Variants in MAML2 observed in about 807,000 individuals in gnomAD.
MAML2 encodes mastermind like transcriptional coactivator 2.
MAML2 carries 22 observed loss-of-function variants against 96.1 expected under a neutral mutation model. The observed-to-expected ratio is 0.23, with a 90% CI of 0.16 to 0.33. The LOEUF is 0.33. MAML2 is among the 10% of genes least tolerant of loss of function. MAML2 has a pLI of 1.00. For missense variants in MAML2, 1,367 were observed against 1,392.4 expected, an observed-to-expected ratio of 0.98 and a Z score of 0.29; for synonymous variants, 561 against 521.3, an observed-to-expected ratio of 1.08 and a Z score of -1.04.
At chr11:96,186,487 G>C (rs1861577229) in intron 1 of MAML2, among the ~76,000 whole-genome samples, 2 of 152,178 alleles carry the variant, frequency 1.3e-5, no homozygotes, top group South Asian at 2.1e-4. Context: ...TACTCAGGAG[G>C]CTGAGACAGG....
chr11:96,045,353 C>T (rs6483474), intron 2 of MAML2, among the ~76,000 whole-genome samples: 83,702 of 151,916 alleles, frequency 0.55, 23,247 homozygotes, highest in East Asian at 0.73. Context: ...CCTGGGTGAA[C>T]CCTAGTCCTG....
intron 2 of MAML2, among the ~76,000 whole-genome samples, chr11:96,041,500 A>G (rs527532864): frequency 3.2e-4 from 40 of 124,128 alleles, no homozygotes; most frequent in African/African-American, 1.1e-3. Flanking sequence ...GAAGGAAAGG[A>G]AGGAAAGGAA....
At chr11:96,207,363 A>T (rs765722370) in intron 1 of MAML2, among the ~76,000 whole-genome samples, 2 of 152,208 alleles carry the variant, frequency 1.3e-5, no homozygotes, top group Non-Finnish European at 2.9e-5. Flanking sequence ...CAATTCCCCA[A>T]ATTAGTTGGT....
intron 1 of MAML2, among the ~76,000 whole-genome samples, chr11:96,264,891 C>T (rs56221954): frequency 0.032 from 4,927 of 152,256 alleles, 101 homozygotes; most frequent in South Asian, 0.073. Context: ...ATTTAATACC[C>T]TAGATATGCC....
intron 1 of MAML2, among the ~76,000 whole-genome samples, chr11:96,252,466 A>G (rs7938659): frequency 0.55 from 77,836 of 142,224 alleles, 21,286 homozygotes; most frequent in East Asian, 0.75. Context: ...TCGCTCTGTC[A>G]CGAGGCTGGA....
At chr11:96,045,188 G>C (rs748883214) in intron 2 of MAML2, among the ~76,000 whole-genome samples, 1 of 152,138 alleles carries the variant, frequency 6.6e-6, no homozygotes, top group Non-Finnish European at 1.5e-5. Flanking sequence ...AGGTCATATG[G>C]ATGTCCCTGG....
chr11:96,275,961 T>G (rs2135982645), intron 1 of MAML2, among the ~76,000 whole-genome samples: 1 of 152,098 alleles, frequency 6.6e-6, no homozygotes, highest in East Asian at 1.9e-4. Context: ...ATCAAGAGGG[T>G]TTTAGAACGA....
In MAML2 at chr11:96,227,415, C is replaced by G. The variant is rs478697; in HGVS notation, c.513+113968G>C. On this transcript the variant is annotated intron_variant, in intron 1 of 4. Transcript: ENST00000524717. Reference sequence around the variant, plus strand: ...CACAGCTATACTGTAAGTTTCATGCCAAGAATGCAGGGAGTGGTTCTCTCA... The same window carrying G: ...CACAGCTATACTGTAAGTTTCATGCGAAGAATGCAGGGAGTGGTTCTCTCA... 5.5e-3 allele frequency among the ~76,000 whole-genome samples: 837 copies of G among 152,204 alleles called. 10 individuals are homozygous for G. Among genetic ancestry groups the G allele is most frequent in the African/African-American group, 0.019 (781 of 41,518 alleles).
chr11:96,165,172 G>GT (rs1264150695), intron 1 of MAML2, among the ~76,000 whole-genome samples: 26 of 151,260 alleles, frequency 1.7e-4, no homozygotes, highest in African/African-American at 6.3e-4. Flanking sequence ...TTTGTAGTGT[G>GT]TTTTTTTCCC....
At chr11:96,303,840 C>T (rs1863425950) in intron 1 of MAML2, among the ~76,000 whole-genome samples, 1 of 152,146 alleles carries the variant, frequency 6.6e-6, no homozygotes, top group Admixed American at 6.5e-5. Flanking sequence ...CCCAAGGCTG[C>T]CAGAGCTGAC....
At chr11:96,201,331 A>T (rs531006603) in intron 1 of MAML2, among the ~76,000 whole-genome samples, 1 of 152,310 alleles carries the variant, frequency 6.6e-6, no homozygotes, top group Non-Finnish European at 1.5e-5. Flanking sequence ...TTAATTGCCT[A>T]AAAGGACCGT....
intron 1 of MAML2, among the ~76,000 whole-genome samples, 180 bp from the exon 2 acceptor site, chr11:96,093,697 G>A (rs889733495): frequency 3.3e-5 from 5 of 152,186 alleles, no homozygotes; most frequent in Admixed American, 1.3e-4. Flanking sequence ...AAAACTCTCA[G>A]TAGCACAAAC....
intron 1 of MAML2, among the ~76,000 whole-genome samples, chr11:96,105,869 T>A (rs974333030): frequency 7.1e-5 from 8 of 112,392 alleles, no homozygotes; most frequent in Non-Finnish European, 1.5e-4. Context: ...TATTTGGTTA[T>A]AATGGAAAAA....
chr11:96,005,552 T>G (rs1028801752), intron 2 of MAML2, among the ~76,000 whole-genome samples: 2 of 152,218 alleles, frequency 1.3e-5, no homozygotes, highest in Non-Finnish European at 2.9e-5. Context: ...ATGCAAAGAT[T>G]TTGCCTCTAT....
At chr11:96,184,284 C>T (rs905406532) in intron 1 of MAML2, among the ~76,000 whole-genome samples, 4 of 151,992 alleles carry the variant, frequency 2.6e-5, no homozygotes, top group South Asian at 2.1e-4. Context: ...CTACTAAAAA[C>T]GTAAAAATTA....
chr11:96,098,994 G>A (rs1049587579), intron 1 of MAML2, among the ~76,000 whole-genome samples: 1 of 151,522 alleles, frequency 6.6e-6, no homozygotes, highest in African/African-American at 2.4e-5. Context: ...TGCATTCTTT[G>A]TCTCCGGTGC....
At chr11:95,988,760 T>C (rs1369269356) in intron 3 of MAML2, among the ~76,000 whole-genome samples, 1 of 152,056 alleles carries the variant, frequency 6.6e-6, no homozygotes, top group Non-Finnish European at 1.5e-5. Flanking sequence ...TAGAGATGGC[T>C]ACATTTTGCA....
chr11:96,302,868 T>C (rs1431577125), intron 1 of MAML2, among the ~76,000 whole-genome samples: 4 of 152,202 alleles, frequency 2.6e-5, no homozygotes, highest in African/African-American at 4.8e-5. Context: ...TTTACATAGG[T>C]AAAACTCATT....
intron 1 of MAML2, among the ~76,000 whole-genome samples, chr11:96,185,557 T>C (rs891815775): frequency 1.3e-5 from 2 of 152,170 alleles, no homozygotes; most frequent in Non-Finnish European, 2.9e-5. Context: ...TCCACACACA[T>C]TGCTACTAGT....
Sources: allele counts gnomAD v4.1 joint callset (sites outside exome capture counted in the v4.1 genomes callset), GRCh38; gene constraint gnomAD v4.1.1; transcripts MANE v1.5; gene names NCBI Gene and HGNC (gene_info 2026-07-23, HGNC 2026-07-21).